The following PLEKHM3 variants were observed in gnomAD, a reference collection of about 807,000 sequenced individuals.
The protein encoded by PLEKHM3 is pleckstrin homology domain-containing family M member 3.
A neutral mutation model predicts 81.8 loss-of-function variants in PLEKHM3; 45 were observed. The observed-to-expected ratio is 0.55, with a 90% confidence interval of 0.43 to 0.71. The LOEUF (loss-of-function observed/expected upper bound fraction) is 0.71. Ranked by LOEUF, PLEKHM3 falls within the 30% of genes least tolerant of loss-of-function variation. The pLI is 0.00. For synonymous variants in PLEKHM3, 352 were observed against 356.4 expected (o/e 0.99, Z 0.14); for missense variants, 788 against 924.3 (o/e 0.85, Z 1.91).
chr2:207,897,176 C>T (rs994845437), intron 6 of PLEKHM3, among the ~76,000 whole-genome samples: 7 of 152,166 alleles, frequency 4.6e-5, no homozygotes, highest in Non-Finnish European at 8.8e-5. Flanking sequence ...GGTGCTGCTC[C>T]ATATGGTGAC....
intron 6 of PLEKHM3, among the ~76,000 whole-genome samples, chr2:207,892,674 C>G (rs1032229281): frequency 3.3e-5 from 5 of 152,144 alleles, no homozygotes; most frequent in Non-Finnish European, 7.3e-5. Flanking sequence ...TTCATTATCC[C>G]ATTCCATCCA....
intron 6 of PLEKHM3, among the ~76,000 whole-genome samples, chr2:207,870,260 G>GAA (rs1407302185): frequency 9.2e-5 from 14 of 152,162 alleles, no homozygotes; most frequent in African/African-American, 2.9e-4. Flanking sequence ...AAAAAGAGAG[G>GAA]AAAAAGCTCT....
rs148667569 is a variant in PLEKHM3 at position 207,905,524 on chromosome 2, C to T, written c.1950+2990G>A. 9.3e-4 allele frequency among the ~76,000 whole-genome samples: 141 copies of T among 152,280 alleles called. 2 individuals are homozygous for T. The Middle Eastern group carries it at 0.017, about 18-fold the overall frequency. ...ACATATTTGCAAGAACAATTCAGAT[C>T]TAGAAAACATGCTTGTTATTTACTT... On this transcript the variant is annotated intron_variant, in intron 6 of 7. Coordinates refer to ENST00000427836, the MANE Select transcript of PLEKHM3 (RefSeq NM_001080475.3).
intron 1 of PLEKHM3, among the ~76,000 whole-genome samples, chr2:208,023,276 G>A (rs567851488): frequency 9.6e-5 from 14 of 145,652 alleles, no homozygotes; most frequent in African/African-American, 3.7e-4. Flanking sequence ...CCAAAGCACT[G>A]GAATTACAGG....
In PLEKHM3 at chr2:207,842,776, T is replaced by C. The variant is rs559846533; in HGVS notation, c.2109-14280A>G. ...CATAAGCTGATATGTAAGAAGTCAC[T>C]GAAAACCTTATTTTTTTCAACACCA... On this transcript the variant is annotated intron_variant, in intron 7 of 7. Transcript: ENST00000427836. Among the ~76,000 whole-genome samples the C allele has an allele frequency of 5.6e-4, 85 of 152,298 alleles. 1 individual carries two copies. The highest frequency in any genetic ancestry group is 1.6e-3 in the African/African-American group (68 of 41,556).
chr2:207,893,578 T>G (rs140924857), intron 6 of PLEKHM3, among the ~76,000 whole-genome samples: 2 of 152,326 alleles, frequency 1.3e-5, no homozygotes, highest in Admixed American at 6.5e-5. Context: ...AGACTCATCT[T>G]TGACAAGTGT....
intron 3 of PLEKHM3, among the ~76,000 whole-genome samples, chr2:207,968,139 A>G (rs919464040): frequency 6.6e-5 from 10 of 151,912 alleles, no homozygotes; most frequent in African/African-American, 2.4e-4. Flanking sequence ...CCTGAACACT[A>G]AGTGCTATAT....
chr2:207,947,153 T>A (rs1166346484), intron 3 of PLEKHM3, among the ~76,000 whole-genome samples: 1 of 152,196 alleles, frequency 6.6e-6, no homozygotes, highest in African/African-American at 2.4e-5. Context: ...CCCACTACTG[T>A]CCAATGGGAA....
intron 7 of PLEKHM3, among the ~76,000 whole-genome samples, chr2:207,836,272 C>T (rs963076046): frequency 1.2e-4 from 17 of 146,600 alleles, no homozygotes; most frequent in African/African-American, 3.6e-4. Context: ...TGCAGTGAGC[C>T]GAGATCATGC....
chr2:207,841,760 GA>G (rs1430589908), intron 7 of PLEKHM3, among the ~76,000 whole-genome samples: 2 of 151,438 alleles, frequency 1.3e-5, no homozygotes, highest in Non-Finnish European at 2.9e-5. Flanking sequence ...CATACTTTCT[GA>G]ATCTTTTTGA....
At chr2:207,847,913 T>C (rs2092393140) in intron 7 of PLEKHM3, among the ~76,000 whole-genome samples, 2 of 152,216 alleles carry the variant, frequency 1.3e-5, no homozygotes. Context: ...CCAAGGCTGT[T>C]GTTCTCTATT....
intron 7 of PLEKHM3, 134 bp from the exon 8 acceptor site, chr2:207,828,630 G>T: frequency 1.3e-6 from 1 of 786,194 alleles, no homozygotes; most frequent in Non-Finnish European, 2.0e-6. Context: ...GAAGGGAGAT[G>T]ACTCACTGAA....
chr2:207,943,989 T>C (rs1298150857), intron 4 of PLEKHM3, among the ~76,000 whole-genome samples: 3 of 151,996 alleles, frequency 2.0e-5, no homozygotes, highest in East Asian at 1.9e-4. Flanking sequence ...AAGCCACAGA[T>C]TTCAATTTTA....
chr2:207,902,416 G>A (rs977675792), intron 6 of PLEKHM3, among the ~76,000 whole-genome samples: 2 of 152,066 alleles, frequency 1.3e-5, no homozygotes, highest in African/African-American at 4.8e-5. Context: ...TTGCCTTTTC[G>A]TGATCTTACC....
rs1170710719 is a variant in PLEKHM3 at position 207,841,934 on chromosome 2, C to CTTTATT, written c.2109-13444_2109-13439dup. ...TACTAGGGAAGTTTACTGCCCCGAT[C>CTTTATT]TTTATTTTTATTTTTATTTTTGAGA... is the stretch of plus-strand genomic sequence containing the variant. On this transcript the variant is annotated intron_variant, in intron 7 of 7. Coordinates refer to ENST00000427836, the MANE Select transcript of PLEKHM3 (RefSeq NM_001080475.3). Among the ~76,000 whole-genome samples, 231 of 152,104 alleles carry CTTTATT rather than the reference C, an allele frequency of 1.5e-3. 3 individuals carry two copies. Among genetic ancestry groups the CTTTATT allele is most frequent in the Middle Eastern group, 6.8e-3 (2 of 294 alleles).
intron 3 of PLEKHM3, among the ~76,000 whole-genome samples, chr2:207,974,159 C>G (rs550750104): frequency 1.3e-5 from 2 of 152,316 alleles, no homozygotes; most frequent in African/African-American, 4.8e-5. Flanking sequence ...CTAACTAAGG[C>G]AGCTGCCAGA....
chr2:207,914,617 G>A (rs910369633), intron 5 of PLEKHM3, among the ~76,000 whole-genome samples: 1 of 151,490 alleles, frequency 6.6e-6, no homozygotes, highest in African/African-American at 2.4e-5. Context: ...AGGAGGTTGA[G>A]GCTGCAGTGA....
chr2:207,903,044 A>C (rs1688491833), intron 6 of PLEKHM3, among the ~76,000 whole-genome samples: 1 of 152,038 alleles, frequency 6.6e-6, no homozygotes, highest in South Asian at 2.1e-4. Flanking sequence ...CCCACCTGGC[A>C]TCCTTCCCAC....
rs1332782146 is a variant in PLEKHM3, at chr2:207,976,737, C to T, written c.1460G>A (p.Arg487His). ...MGGHELRKNK[R>H]QSVTTSFLSI... Reference sequence around the variant, plus strand: ...CAGGAAGCTGGTAGTCACAGATTGGCGTTTGTTCTTCCTGAGTTCATGCCC... The same window carrying T: ...CAGGAAGCTGGTAGTCACAGATTGGTGTTTGTTCTTCCTGAGTTCATGCCC... The change falls in exon 3 of 8, where the codon CGC becomes CAC. Residue 487 changes from arginine (R) to histidine (H), a missense_variant. Transcript: ENST00000427836. The surrounding 1 kb of genome is among the most constrained non-coding windows in gnomAD (Gnocchi z 4.1). 19 of 1,614,064 alleles carry T rather than the reference C, an allele frequency of 1.2e-5. No individual in the cohort carries two copies. In the Middle Eastern group the frequency reaches 4.9e-4, roughly 42 times the overall value.
Sources: gnomAD v4.1 joint callset for allele counts (sites outside exome capture counted in the v4.1 genomes callset) on GRCh38, gnomAD v4.1.1 for gene constraint, Gnocchi (gnomAD v3.1) non-coding constraint, MANE v1.5 for transcripts, NCBI Gene and HGNC (gene_info 2026-07-23, HGNC 2026-07-21) for gene names.